Variants in UBP1 observed in about 807,000 individuals in gnomAD.
UBP1 encodes the protein upstream-binding protein 1.
Under a neutral mutation model 76.1 loss-of-function variants are expected in UBP1, and 22 were observed. That is an observed-to-expected ratio of 0.29 (90% CI 0.21 to 0.41). The LOEUF (loss-of-function observed/expected upper bound fraction) is 0.41, where lower values mean the gene tolerates loss of function less well. Among genes scored for constraint, UBP1 ranks in the 10% least tolerant of loss-of-function variants. The probability of loss-of-function intolerance (pLI) is 1.00; values close to 1 mark genes in which losing one functional copy is unlikely to be tolerated. For synonymous variants in UBP1, 224 were observed against 237.1 expected, an observed-to-expected ratio of 0.94 and a Z score of 0.51; for missense variants, 436 against 668.1, an observed-to-expected ratio of 0.65 and a Z score of 3.83.
intron 4 of UBP1, 22 bp from the exon 5 acceptor site, chr3:33,411,709 C>A (rs2044587064): frequency 6.3e-7 from 1 of 1,578,086 alleles, no homozygotes; most frequent in South Asian, 1.1e-5. Flanking sequence ...AAAGAAGTTA[C>A]ATAAAAACAT....
At chr3:33,395,914 G>A (rs920684538) in intron 13 of UBP1, among the ~76,000 whole-genome samples, 14 of 149,828 alleles carry the variant, frequency 9.3e-5, no homozygotes, top group South Asian at 2.1e-4. Flanking sequence ...AGATATTTCC[G>A]GCATGAAGGG....
chr3:33,403,484 A>G (rs920626304), intron 8 of UBP1: 3 of 32,734 alleles, frequency 9.2e-5, no homozygotes, highest in African/African-American at 1.1e-4. Flanking sequence ...TACTACATCT[A>G]TCTCTATCTA....
intron 1 of UBP1, among the ~76,000 whole-genome samples, chr3:33,428,207 T>G: frequency 8.7e-6 from 1 of 114,840 alleles, no homozygotes; most frequent in African/African-American, 3.4e-5. Context: ...AAAAAAAGAA[T>G]CAGATCACCT....
intron 4 of UBP1, among the ~76,000 whole-genome samples, 162 bp downstream of exon 4, chr3:33,412,560 C>CGA (rs1325735132): frequency 6.9e-6 from 1 of 145,572 alleles, no homozygotes; most frequent in African/African-American, 2.6e-5. Context: ...TTATCCTGGG[C>CGA]GAGAGAGCAA....
At position 33,409,194 on chromosome 3, in the gene UBP1, ACC is replaced by A. The variant is rs1331030150; in HGVS notation, c.819+40_819+41del. 9 of 1,585,572 alleles carry A rather than the reference ACC, an allele frequency of 5.7e-6. No individual in the cohort carries two copies. In the African/African-American group the frequency reaches 9.5e-5, roughly 17 times the overall value. ...CATCTTAGAAATAGACTAATATGCA[ACC>A]TTTGCTTCTCTTCCAAAACCAAATG... On this transcript the variant is annotated intron_variant, in intron 7 of 15. Transcript: ENST00000283629.
At chr3:33,420,734 G>A (rs1476057364) in intron 2 of UBP1, among the ~76,000 whole-genome samples, 7 of 152,026 alleles carry the variant, frequency 4.6e-5, no homozygotes, top group African/African-American at 1.4e-4. Context: ...TGATCCACCC[G>A]CCTCTGCCTC....
Position 33,392,866 on chromosome 3 carries a change from C to T in UBP1, c.1534-252G>A, listed in dbSNP as rs577534229. 29 of 407,378 alleles carry T rather than the reference C, an allele frequency of 7.1e-5. 1 individual carries two copies. The South Asian group carries it at 1.5e-3, about 22-fold the overall frequency. 25.2% of individuals were successfully genotyped at this position (407,378 alleles called of 1,614,324 possible). On this transcript the variant is annotated intron_variant, in intron 14 of 15. Transcript: ENST00000283629. ...TGACCCACAGGGGCACATTCCCTGC[C>T]GGCTCCAGTGGATGATGACTCGAAC...
chr3:33,397,360 G>A (rs547604092), intron 11 of UBP1: 15 of 369,866 alleles, frequency 4.1e-5, no homozygotes, highest in East Asian at 3.1e-4. Context: ...TAGAAGTCCT[G>A]AGGCTGATGA....
intron 1 of UBP1, among the ~76,000 whole-genome samples, chr3:33,430,635 A>G (rs2045097123): frequency 6.6e-6 from 1 of 152,218 alleles, no homozygotes; most frequent in Non-Finnish European, 1.5e-5. Context: ...AAAACTACAT[A>G]TAGAAGAATT....
intron 1 of UBP1, among the ~76,000 whole-genome samples, chr3:33,438,595 C>CA (rs1190681263): frequency 6.6e-6 from 1 of 152,220 alleles, no homozygotes; most frequent in East Asian, 1.9e-4. Flanking sequence ...GGAAGCCCAA[C>CA]AGAGACCAAA....
intron 1 of UBP1, among the ~76,000 whole-genome samples, chr3:33,434,251 T>A (rs995425687): frequency 5.4e-5 from 8 of 148,400 alleles, no homozygotes; most frequent in Admixed American, 4.7e-4. Context: ...TACATAAAAA[T>A]AATTTCTTGA....
Position 33,434,515 on chromosome 3 carries a change from GA to G in UBP1, c.113+5220del, listed in dbSNP as rs1182063193. Among the ~76,000 whole-genome samples, 3 of 150,696 alleles carry G rather than the reference GA, an allele frequency of 2.0e-5. No individual in the cohort carries two copies. The East Asian group carries it at 5.9e-4, about 30-fold the overall frequency. On this transcript the variant is annotated intron_variant, in intron 1 of 15. Coordinates refer to ENST00000283629, the MANE Select transcript of UBP1 (RefSeq NM_014517.5). ...TTGGCCAGCCTGGTCTCAAACTCCC[GA>G]CCTCAGGTGATCCACCTGCCTCAGC...
chr3:33,438,251 T>C (rs972905039), intron 1 of UBP1, among the ~76,000 whole-genome samples: 2 of 152,196 alleles, frequency 1.3e-5, no homozygotes, highest in African/African-American at 4.8e-5. Context: ...AAGCTCAAAA[T>C]AGCTATCAAT....
intron 11 of UBP1, 138 bp downstream of exon 11, chr3:33,400,051 A>G (rs569318750): frequency 2.1e-6 from 1 of 483,262 alleles, no homozygotes; most frequent in African/African-American, 2.0e-5. Context: ...GGATAGATAT[A>G]AAGAACTTCT....
At chr3:33,393,146 G>T in intron 14 of UBP1, 166 bp downstream of exon 14, 1 of 733,916 alleles carries the variant, frequency 1.4e-6, no homozygotes, top group Non-Finnish European at 2.0e-6. Context: ...TCACTAGGAT[G>T]CCTGAAACTC....
intron 7 of UBP1, 121 bp downstream of exon 7, chr3:33,409,115 G>T: frequency 1.1e-6 from 1 of 952,106 alleles, no homozygotes; most frequent in Non-Finnish European, 1.6e-6. Flanking sequence ...ATTTCACAGA[G>T]AATAACATGT....
At chr3:33,400,390 G>T in intron 10 of UBP1, 108 bp from the exon 11 acceptor site, 1 of 766,648 alleles carries the variant, frequency 1.3e-6, no homozygotes, top group Non-Finnish European at 2.0e-6. Flanking sequence ...CCCAAAAAGA[G>T]CATGAGTCTG....
chr3:33,415,544 T>C (rs974162875), intron 3 of UBP1, among the ~76,000 whole-genome samples: 2 of 152,182 alleles, frequency 1.3e-5, no homozygotes, highest in Non-Finnish European at 2.9e-5. Context: ...TATACCACCA[T>C]ATGATGGATA....
chr3:33,397,413 T>C (rs369079214), intron 11 of UBP1: 39 of 240,816 alleles, frequency 1.6e-4, no homozygotes, highest in South Asian at 6.4e-4. Context: ...CTTCCCGATA[T>C]AGGATTTCAC....
Sources: gnomAD v4.1 joint callset for allele counts (sites outside exome capture counted in the v4.1 genomes callset) on GRCh38, gnomAD v4.1.1 for gene constraint, MANE v1.5 for transcripts, NCBI Gene and HGNC (gene_info 2026-07-23, HGNC 2026-07-21) for gene names.